STXBP4: variants seen among roughly 807,000 people sequenced by gnomAD.
STXBP4 encodes syntaxin-binding protein 4.
A neutral mutation model predicts 76.1 loss-of-function variants in STXBP4; 55 were observed. That is an observed-to-expected ratio of 0.72 (90% confidence interval 0.58 to 0.91). The LOEUF (loss-of-function observed/expected upper bound fraction) is 0.91, where lower values mean the gene tolerates loss of function less well. STXBP4 is among the 40% of genes least tolerant of loss of function. STXBP4 has a pLI of 0.00. For missense variants in STXBP4, 618 were observed against 636.9 expected (o/e 0.97, Z 0.32); for synonymous variants, 201 against 220.2 (o/e 0.91, Z 0.77).
At chr17:55,031,699 G>C (rs1446236548) in intron 9 of STXBP4, among the ~76,000 whole-genome samples, 2 of 151,954 alleles carry the variant, frequency 1.3e-5, no homozygotes, top group African/African-American at 4.8e-5. Flanking sequence ...ATTGTTTCCC[G>C]GACCCCTGCA....
At chr17:55,138,966 T>A (rs2080065336) in intron 16 of STXBP4, among the ~76,000 whole-genome samples, 1 of 152,100 alleles carries the variant, frequency 6.6e-6, no homozygotes, top group African/African-American at 2.4e-5. Flanking sequence ...TTATATGAAA[T>A]CTGCATGAAC....
the STXBP4 span, among the ~76,000 whole-genome samples, chr17:55,190,388 A>C: frequency 6.6e-6 from 1 of 152,176 alleles, no homozygotes; most frequent in Non-Finnish European, 1.5e-5. Flanking sequence ...TATCTGAGAA[A>C]GATTCGTTGA....
intron 17 of STXBP4, among the ~76,000 whole-genome samples, chr17:55,142,409 C>T (rs1403991803): frequency 6.6e-6 from 1 of 152,122 alleles, no homozygotes; most frequent in African/African-American, 2.4e-5. Flanking sequence ...TTCAAATGTG[C>T]AAATATTTTA....
At chr17:55,129,631 A>G (rs566565992) in intron 16 of STXBP4, among the ~76,000 whole-genome samples, 4 of 152,250 alleles carry the variant, frequency 2.6e-5, no homozygotes, top group East Asian at 1.9e-4. Context: ...GAATCCTAAA[A>G]TTAGTTAAGT....
At position 55,173,322 on chromosome 17, in the gene STXBP4, A is replaced by G. The variant is rs2080416395; in HGVS notation, c.*13411A>G. 1 of 152,220 alleles carries G rather than the reference A, an allele frequency of 6.6e-6. No homozygotes were observed. The highest frequency in any genetic ancestry group is 1.5e-5 in the Non-Finnish European group (1 of 68,038). 9.4% of individuals were successfully genotyped at this position (152,220 alleles called of 1,614,324 possible). A position where few individuals can be genotyped will look rare whatever the true frequency, so the allele number is the denominator to read the frequency against. On this transcript the variant is annotated 3_prime_UTR_variant, in exon 18 of 18. Transcript: ENST00000376352. ...TCAAGTGCTCTCCTGCTATGCTTTTATAACACACCCTTCCCCACCCCAACT... is the reference window on the plus strand; with the variant it reads ...TCAAGTGCTCTCCTGCTATGCTTTTGTAACACACCCTTCCCCACCCCAACT...
chr17:55,080,220 C>A (rs375921263), intron 15 of STXBP4, among the ~76,000 whole-genome samples: 1 of 152,138 alleles, frequency 6.6e-6, no homozygotes, highest in Admixed American at 6.6e-5. Flanking sequence ...AGCTACATCA[C>A]GCAACATTTC....
At chr17:55,174,225 G>A (rs1045535011), downstream of STXBP4, among the ~76,000 whole-genome samples, 52 of 152,176 alleles carry the variant, frequency 3.4e-4, no homozygotes, top group African/African-American at 1.2e-3. Context: ...TTGTAGGGGA[G>A]AATGTTATTC....
At chr17:55,124,920 G>A (rs922731577) in intron 16 of STXBP4, among the ~76,000 whole-genome samples, 1 of 152,118 alleles carries the variant, frequency 6.6e-6, no homozygotes, top group African/African-American at 2.4e-5. Context: ...GGTGGCTCTT[G>A]TCCCTGTTCT....
chr17:55,016,996 A>G (rs1298489477), intron 8 of STXBP4, among the ~76,000 whole-genome samples: 1 of 152,142 alleles, frequency 6.6e-6, no homozygotes, highest in Admixed American at 6.5e-5. Flanking sequence ...GATTTTTGAT[A>G]GGAAGGCTAA....
At chr17:55,000,298 C>T (rs2061598517) in intron 6 of STXBP4, 1 of 981,208 alleles carries the variant, frequency 1.0e-6, no homozygotes, top group African/African-American at 1.8e-5. Flanking sequence ...CTATAGTTCA[C>T]CCAAGTAGAA....
intron 12 of STXBP4, among the ~76,000 whole-genome samples, chr17:55,068,189 A>C (rs1480222964): frequency 6.6e-6 from 1 of 152,150 alleles, no homozygotes; most frequent in Admixed American, 6.5e-5. Context: ...ACAAGCTGTA[A>C]TAGTACCAAG....
intron 16 of STXBP4, among the ~76,000 whole-genome samples, chr17:55,140,104 G>A (rs1364537756): frequency 3.3e-5 from 5 of 152,068 alleles, no homozygotes; most frequent in Non-Finnish European, 5.9e-5. Context: ...AGGAGTTTGA[G>A]TCTAGCTTGG....
intron 4 of STXBP4, among the ~76,000 whole-genome samples, chr17:54,994,645 C>G (rs2077770990): frequency 6.6e-6 from 1 of 152,074 alleles, no homozygotes; most frequent in African/African-American, 2.4e-5. Flanking sequence ...ATCGTTTGTT[C>G]TTATGCACCA....
intron 12 of STXBP4, among the ~76,000 whole-genome samples, chr17:55,067,652 G>A (rs879808677): frequency 6.6e-6 from 1 of 152,062 alleles, no homozygotes; most frequent in Non-Finnish European, 1.5e-5. Context: ...TACCTAAGGT[G>A]GTACTTCATC....
intron 4 of STXBP4, among the ~76,000 whole-genome samples, chr17:54,996,647 G>C (rs1407528147): frequency 6.6e-6 from 1 of 152,046 alleles, no homozygotes; most frequent in Non-Finnish European, 1.5e-5. Context: ...TAAGAAAATA[G>C]AGGTTCATAA....
intron 6 of STXBP4, chr17:55,000,271 T>C: frequency 1.0e-6 from 1 of 985,342 alleles, no homozygotes; most frequent in Non-Finnish European, 1.2e-6. Context: ...AAGGTATTGC[T>C]CCTTCATGTG....
chr17:55,196,170 T>A, the STXBP4 span, among the ~76,000 whole-genome samples: 8 of 152,298 alleles, frequency 5.3e-5, no homozygotes, highest in East Asian at 1.5e-3. Flanking sequence ...GGAGAGCTGG[T>A]CAGTCAGGAT....
rs554091790 is a variant in STXBP4 at position 55,035,653 on chromosome 17, T to G, written c.855+1394T>G. ...ATTATTGGTACATAATTAATAAAAT[T>G]AGAAATCTGACATAACTTTTGATCA... On this transcript the variant is annotated intron_variant, in intron 10 of 17. Coordinates refer to ENST00000376352, the MANE Select transcript of STXBP4 (RefSeq NM_178509.6). Among the ~76,000 whole-genome samples the G allele has an allele frequency of 2.9e-4, 44 of 152,056 alleles. 1 individual carries two copies. Among genetic ancestry groups the G allele is most frequent in the Middle Eastern group, 6.8e-3 (2 of 294 alleles).
At chr17:55,043,634 A>C (rs1272203021) in intron 11 of STXBP4, 2 of 1,549,654 alleles carry the variant, frequency 1.3e-6, no homozygotes, top group Non-Finnish European at 1.7e-6. Flanking sequence ...AATTAGATGA[A>C]GAGCCAATAA....
Sources: gnomAD v4.1 joint callset for allele counts (sites outside exome capture counted in the v4.1 genomes callset) on GRCh38, gnomAD v4.1.1 for gene constraint, MANE v1.5 for transcripts, NCBI Gene and HGNC (gene_info 2026-07-23, HGNC 2026-07-21) for gene names.